The following PDE11A variants were observed in gnomAD, a reference collection of about 807,000 sequenced individuals.
PDE11A encodes the protein phosphodiesterase 11A, also known as dual 3',5'-cyclic-AMP and -GMP phosphodiesterase 11A.
In PDE11A, 100 loss-of-function variants were observed where a neutral mutation model predicts 100.5. The ratio of observed to expected loss-of-function variants is 1.00; its 90% CI spans 0.85 to 1.18. The LOEUF (loss-of-function observed/expected upper bound fraction) is 1.18, where lower values mean the gene tolerates loss of function less well. Ranked by LOEUF, PDE11A falls within the 50% of genes most tolerant of loss-of-function variation. The pLI, the probability that PDE11A is intolerant of heterozygous loss-of-function variation, is 0.00. For synonymous variants in PDE11A, 381 were observed against 420.8 expected (o/e 0.91, Z 1.16); for missense variants, 1,141 against 1,152.6 (o/e 0.99, Z 0.15).
chr2:178,006,832 G>C (rs903446314), intron 2 of PDE11A, among the ~76,000 whole-genome samples: 40 of 150,528 alleles, frequency 2.7e-4, no homozygotes, highest in African/African-American at 8.8e-4. Context: ...AAGGGGGGGG[G>C]GGGAAGCCAA....
At chr2:177,846,514 G>T (rs1574208576) in intron 5 of PDE11A, among the ~76,000 whole-genome samples, 1 of 152,294 alleles carries the variant, frequency 6.6e-6, no homozygotes, top group East Asian at 1.9e-4. Flanking sequence ...CTTTCAAAAA[G>T]TTCCTACAGC....
rs1176439520 is a variant in PDE11A at position 178,072,330 on chromosome 2, T to C, written c.108A>G (p.Glu36=). 1 of 1,614,044 alleles carries C rather than the reference T, an allele frequency of 6.2e-7. No individual in the cohort carries two copies. Among genetic ancestry groups the C allele is most frequent in the Non-Finnish European group, 8.5e-7 (1 of 1,180,038 alleles). The change falls in exon 1 of 20, where the codon GAA becomes GAG. Residue 36 remains glutamate (E), a synonymous_variant. Transcript: ENST00000286063. ...CCTGACTGTGCCTCTGCAGCCACTT[T>C]TCAACCATCTCCTGCTTCCCCTTCC... ...LMRKGKQEMV[E]KWLQRHSQGQ...
intron 2 of PDE11A, among the ~76,000 whole-genome samples, chr2:177,957,428 A>G (rs1227382870): frequency 2.0e-5 from 3 of 152,238 alleles, no homozygotes; most frequent in Admixed American, 6.5e-5. Context: ...AACACAAAAC[A>G]AAACAAAAAA....
chr2:177,777,129 T>A (rs750012346), intron 9 of PDE11A, among the ~76,000 whole-genome samples: 2 of 152,160 alleles, frequency 1.3e-5, no homozygotes, highest in Non-Finnish European at 2.9e-5. Context: ...CTTTATAAAT[T>A]ACCCAGTCTT....
At chr2:177,830,629 A>G (rs1034775134) in intron 6 of PDE11A, among the ~76,000 whole-genome samples, 2 of 148,108 alleles carry the variant, frequency 1.4e-5, no homozygotes, top group Non-Finnish European at 3.0e-5. Flanking sequence ...TAATAATAAT[A>G]ATAATAATAA....
chr2:177,734,414 C>G (rs553858773), intron 10 of PDE11A, among the ~76,000 whole-genome samples: 1 of 152,184 alleles, frequency 6.6e-6, no homozygotes, highest in South Asian at 2.1e-4. Flanking sequence ...TTTGCTTGAT[C>G]ACAGGAGTTT....
chr2:178,028,922 C>T (rs111556286), intron 1 of PDE11A, among the ~76,000 whole-genome samples: 17 of 152,240 alleles, frequency 1.1e-4, no homozygotes, highest in East Asian at 1.9e-4. Flanking sequence ...CTGCATAGTA[C>T]GGAACAACAG....
rs919100280 is a variant in PDE11A, at chr2:177,824,737, G to A, written c.1501-4442C>T. Reference sequence around the variant, plus strand: ...TATTCAACTGAAGGCAGTTGGTTAAGTAAATCATAGCACATTCACATAACA... The same window carrying A: ...TATTCAACTGAAGGCAGTTGGTTAAATAAATCATAGCACATTCACATAACA... On this transcript the variant is annotated intron_variant, in intron 6 of 19. Coordinates refer to ENST00000286063, the MANE Select transcript of PDE11A (RefSeq NM_016953.4). Among the ~76,000 whole-genome samples the A allele has an allele frequency of 2.0e-5, 3 of 152,122 alleles. No homozygotes were observed. In the South Asian group the frequency reaches 6.2e-4, roughly 32 times the overall value.
intron 2 of PDE11A, among the ~76,000 whole-genome samples, chr2:177,930,268 G>A (rs76225308): frequency 0.057 from 8,639 of 152,282 alleles, 402 homozygotes; most frequent in East Asian, 0.2. Context: ...TTCAGTGCAT[G>A]TAGGAGACAG....
intron 1 of PDE11A, among the ~76,000 whole-genome samples, chr2:178,021,115 C>G (rs1475125532): frequency 1.3e-5 from 2 of 152,004 alleles, no homozygotes; most frequent in Admixed American, 6.6e-5. Flanking sequence ...GCATGTGCCA[C>G]CACACCAAGC....
chr2:177,811,323 CCT>C (rs1411663137), intron 9 of PDE11A, among the ~76,000 whole-genome samples: 1 of 151,844 alleles, frequency 6.6e-6, no homozygotes, highest in East Asian at 1.9e-4. Context: ...ATAGTAAATG[CCT>C]CTCTTTGTTC....
At chr2:177,651,471 C>T (rs1273644926) in intron 19 of PDE11A, among the ~76,000 whole-genome samples, 1 of 152,154 alleles carries the variant, frequency 6.6e-6, no homozygotes, top group Non-Finnish European at 1.5e-5. Flanking sequence ...AGTGAAGCTG[C>T]TTTCAGCCAA....
At chr2:177,780,730 A>G (rs955861499) in intron 9 of PDE11A, among the ~76,000 whole-genome samples, 5 of 152,206 alleles carry the variant, frequency 3.3e-5, no homozygotes, top group African/African-American at 1.2e-4. Flanking sequence ...AAAGTTCATG[A>G]ATCTCTGCTA....
chr2:177,721,900 T>C (rs1032548464), intron 12 of PDE11A, among the ~76,000 whole-genome samples: 1 of 152,086 alleles, frequency 6.6e-6, no homozygotes, highest in East Asian at 1.9e-4. Flanking sequence ...TTGAGACCCA[T>C]GAAAATTTAA....
intron 1 of PDE11A, among the ~76,000 whole-genome samples, chr2:178,052,085 T>C (rs973834600): frequency 6.6e-6 from 1 of 152,134 alleles, no homozygotes; most frequent in African/African-American, 2.4e-5. Context: ...ACACCACACC[T>C]ATTCCAAAAT....
At chr2:177,817,828 T>C (rs765928636) in intron 8 of PDE11A, 30 bp downstream of exon 8, 1 of 792,070 alleles carries the variant, frequency 1.3e-6, no homozygotes, top group Admixed American at 2.0e-5. Flanking sequence ...TATTGATGAC[T>C]CCACTTGGTT....
At chr2:177,734,325 G>C (rs904703021) in intron 10 of PDE11A, among the ~76,000 whole-genome samples, 3 of 151,950 alleles carry the variant, frequency 2.0e-5, no homozygotes, top group Admixed American at 6.6e-5. Flanking sequence ...TTGTCTTCTC[G>C]GGGAGCAAAC....
chr2:177,994,027 C>A (rs1469642516), intron 2 of PDE11A, among the ~76,000 whole-genome samples: 1 of 151,232 alleles, frequency 6.6e-6, no homozygotes, highest in Non-Finnish European at 1.5e-5. Context: ...CCTCCCCCTC[C>A]CCGAGCGATT....
chr2:178,081,823 C>G (rs1041912628), intron 2 of PDE11A, among the ~76,000 whole-genome samples: 2 of 152,206 alleles, frequency 1.3e-5, no homozygotes. Context: ...GTTATCATTT[C>G]CACACTTACT....
Sources: gnomAD v4.1 joint callset for allele counts (sites outside exome capture counted in the v4.1 genomes callset) on GRCh38, gnomAD v4.1.1 for gene constraint, MANE v1.5 for transcripts, NCBI Gene and HGNC (gene_info 2026-07-23, HGNC 2026-07-21) for gene names.